The following SLC16A7 variants were observed in gnomAD, a reference collection of about 807,000 sequenced individuals.
SLC16A7 encodes the protein monocarboxylate transporter 2.
SLC16A7 carries 33 observed loss-of-function variants against 34.9 expected under a neutral mutation model. The ratio of observed to expected loss-of-function variants is 0.94; its 90% CI spans 0.72 to 1.26. The LOEUF (loss-of-function observed/expected upper bound fraction) is 1.26. Ranked by LOEUF, SLC16A7 falls within the 50% of genes most tolerant of loss-of-function variation. SLC16A7 has a pLI of 0.00. For missense variants in SLC16A7, 573 were observed against 578.1 expected (o/e 0.99, Z 0.09); for synonymous variants, 201 against 206.6 (o/e 0.97, Z 0.23).
intron 2 of SLC16A7, 36 bp downstream of exon 2, chr12:59,655,286 A>G (rs1034823101): frequency 1.3e-5 from 2 of 151,912 alleles, no homozygotes; most frequent in Admixed American, 1.3e-4. Context: ...GTTTTCTTCC[A>G]TCTAGCTCTT....
Position 59,784,473 on chromosome 12 carries a change from T to G in SLC16A7, c.*4794T>G, listed in dbSNP as rs1883478427. ...TATCCGTAGCTACCAAAAAAAAGATTATAAGATACAAATGATTTGGTTTAC... is the reference window on the plus strand; with the variant it reads ...TATCCGTAGCTACCAAAAAAAAGATGATAAGATACAAATGATTTGGTTTAC... On this transcript the variant is annotated 3_prime_UTR_variant, in exon 6 of 6. Transcript: ENST00000547379. 1 of 152,206 alleles carries G rather than the reference T, an allele frequency of 6.6e-6. No homozygotes were observed. Among genetic ancestry groups the G allele is most frequent in the African/African-American group, 2.4e-5 (1 of 41,460 alleles). 9.4% of individuals were successfully genotyped at this position (152,206 alleles called of 1,614,324 possible). A position where few individuals can be genotyped will look rare whatever the true frequency, so the allele number is the denominator to read the frequency against.
chr12:59,727,136 A>C (rs1876352999), intron 3 of SLC16A7, among the ~76,000 whole-genome samples: 1 of 142,288 alleles, frequency 7.0e-6, no homozygotes, highest in Non-Finnish European at 1.5e-5. Flanking sequence ...AAGATCATTA[A>C]AAATATGAGA....
chr12:59,695,190 A>G (rs1051285296), intron 2 of SLC16A7, among the ~76,000 whole-genome samples: 1 of 152,092 alleles, frequency 6.6e-6, no homozygotes, highest in Admixed American at 6.6e-5. Flanking sequence ...TAATTTTTAG[A>G]TATGCCTTAG....
chr12:59,675,200 A>G (rs549142953), intron 2 of SLC16A7, among the ~76,000 whole-genome samples: 1 of 152,330 alleles, frequency 6.6e-6, no homozygotes, highest in South Asian at 2.1e-4. Context: ...TCATATTTTC[A>G]TATTTCTTAT....
intron 2 of SLC16A7, among the ~76,000 whole-genome samples, chr12:59,681,870 A>C (rs1870774544): frequency 6.6e-6 from 1 of 151,834 alleles, no homozygotes; most frequent in Non-Finnish European, 1.5e-5. Flanking sequence ...TTCAGTCTGA[A>C]CTCCTCTCAG....
intron 3 of SLC16A7, among the ~76,000 whole-genome samples, 173 bp downstream of exon 3, chr12:59,705,191 A>C (rs1007964420): frequency 6.6e-6 from 1 of 152,214 alleles, no homozygotes; most frequent in Non-Finnish European, 1.5e-5. Context: ...GTGATTCAGC[A>C]TCTTAAGCTA....
In SLC16A7 at chr12:59,781,885, G is replaced by A. The variant is rs562877706; in HGVS notation, c.*2206G>A. The A allele has an allele frequency of 9.9e-5, 15 of 152,042 alleles. No homozygotes were observed. The highest frequency in any genetic ancestry group is 3.4e-4 in the African/African-American group (14 of 41,482). The allele number at this position is 152,042 out of a possible 1,614,324, so 9.4% of individuals were successfully genotyped here. A position where few individuals can be genotyped will look rare whatever the true frequency, so the allele number is the denominator to read the frequency against. On this transcript the variant is annotated 3_prime_UTR_variant, in exon 6 of 6. Coordinates refer to ENST00000547379, the MANE Select transcript of SLC16A7 (RefSeq NM_001270623.2). ...ATAAATGGCAAAGTAATAATCATGA[G>A]GTTTTAGGTCAAAGACTACATTATA...
At chr12:59,603,189 A>T (rs1300101987) in intron 1 of SLC16A7, among the ~76,000 whole-genome samples, 1 of 152,166 alleles carries the variant, frequency 6.6e-6, no homozygotes, top group Non-Finnish European at 1.5e-5. Flanking sequence ...GTCATGTAAT[A>T]GTCTCTTAGT....
At chr12:59,778,976 A>G (rs1182908520) in intron 5 of SLC16A7, among the ~76,000 whole-genome samples, 1 of 152,124 alleles carries the variant, frequency 6.6e-6, no homozygotes, top group Non-Finnish European at 1.5e-5. Flanking sequence ...ACTGTTAGGA[A>G]CCATGTAAAA....
intron 2 of SLC16A7, among the ~76,000 whole-genome samples, chr12:59,658,293 C>T (rs908067616): frequency 6.6e-6 from 1 of 152,036 alleles, no homozygotes; most frequent in Admixed American, 6.6e-5. Flanking sequence ...ATTGGCATCT[C>T]ATTTACCTGG....
chr12:59,693,996 A>G lies in SLC16A7; in HGVS notation c.-30-10776A>G, dbSNP rs143736217. ...TCAAAATACCAGTTCCTTGGAGTTC[A>G]TGGGATTATGAAAATAAATTATTTG... On this transcript the variant is annotated intron_variant, in intron 2 of 5. Coordinates refer to ENST00000547379, the MANE Select transcript of SLC16A7 (RefSeq NM_001270623.2). Among the ~76,000 whole-genome samples the G allele has an allele frequency of 1.9e-3, 296 of 152,072 alleles. 1 individual carries two copies. Among genetic ancestry groups the G allele is most frequent in the African/African-American group, 6.7e-3 (278 of 41,534 alleles).
In SLC16A7 at chr12:59,781,881, A is replaced by G. The variant is rs981653593; in HGVS notation, c.*2202A>G. ...GGAAATAAATGGCAAAGTAATAATCATGAGGTTTTAGGTCAAAGACTACAT... is the reference window on the plus strand; with the variant it reads ...GGAAATAAATGGCAAAGTAATAATCGTGAGGTTTTAGGTCAAAGACTACAT... On this transcript the variant is annotated 3_prime_UTR_variant, in exon 6 of 6. Transcript: ENST00000547379. 1.3e-5 allele frequency: 2 copies of G among 152,106 alleles called. No homozygotes were observed. The highest frequency in any genetic ancestry group is 4.8e-5 in the African/African-American group (2 of 41,434). 9.4% of individuals were successfully genotyped at this position (152,106 alleles called of 1,614,324 possible).
At chr12:59,718,083 C>A (rs982033057) in intron 3 of SLC16A7, among the ~76,000 whole-genome samples, 3 of 152,036 alleles carry the variant, frequency 2.0e-5, no homozygotes, top group East Asian at 3.9e-4. Flanking sequence ...TATTTATTAA[C>A]CATAGAATAA....
intron 1 of SLC16A7, among the ~76,000 whole-genome samples, chr12:59,630,296 G>T (rs1234455174): frequency 1.3e-5 from 2 of 151,854 alleles, no homozygotes; most frequent in Non-Finnish European, 2.9e-5. Flanking sequence ...AATATGAACA[G>T]ATTTCCTGTC....
chr12:59,632,469 G>A (rs1309602517), intron 1 of SLC16A7, among the ~76,000 whole-genome samples: 2 of 151,924 alleles, frequency 1.3e-5, no homozygotes, highest in Non-Finnish European at 2.9e-5. Context: ...ACTAGGGTTG[G>A]GTAAGGGAGG....
intron 1 of SLC16A7, among the ~76,000 whole-genome samples, chr12:59,619,619 C>T (rs1879608220): frequency 6.6e-6 from 1 of 151,954 alleles, no homozygotes; most frequent in South Asian, 2.1e-4. Context: ...TTCCTACCCA[C>T]AGACCAGGTG....
intron 3 of SLC16A7, among the ~76,000 whole-genome samples, chr12:59,723,963 G>A (rs1250925403): frequency 6.6e-6 from 1 of 151,818 alleles, no homozygotes; most frequent in Non-Finnish European, 1.5e-5. Flanking sequence ...AAACAGGCAT[G>A]CAAGTTATAA....
At chr12:59,652,951 T>C (rs1007798226) in intron 1 of SLC16A7, among the ~76,000 whole-genome samples, 5 of 151,810 alleles carry the variant, frequency 3.3e-5, no homozygotes, top group African/African-American at 9.7e-5. Flanking sequence ...CCGAAACAAA[T>C]AGAAAACATT....
At chr12:59,640,666 C>T (rs1880643282) in intron 1 of SLC16A7, among the ~76,000 whole-genome samples, 1 of 151,800 alleles carries the variant, frequency 6.6e-6, no homozygotes, top group South Asian at 2.1e-4. Context: ...ATGATTTTTT[C>T]CTTTTTTACC....
Sources: allele counts gnomAD v4.1 joint callset (sites outside exome capture counted in the v4.1 genomes callset), GRCh38; gene constraint gnomAD v4.1.1; transcripts MANE v1.5; gene names NCBI Gene and HGNC (gene_info 2026-07-23, HGNC 2026-07-21).